MAP2: variants seen among roughly 807,000 people sequenced by gnomAD.
MAP2 encodes microtubule-associated protein 2.
In MAP2, 14 loss-of-function variants were observed where a neutral mutation model predicts 137.6. The observed-to-expected ratio is 0.10, with a 90% CI of 0.07 to 0.16. The LOEUF is 0.16. Among genes scored for constraint, MAP2 ranks in the 10% least tolerant of loss-of-function variants. The probability of loss-of-function intolerance (pLI) is 1.00; values close to 1 mark genes in which losing one functional copy is unlikely to be tolerated. For synonymous variants in MAP2, 786 were observed against 782.3 expected (o/e 1.00, Z -0.08); for missense variants, 2,088 against 2,191.5 (o/e 0.95, Z 0.94).
chr2:209,480,907 C>T (rs1048656052), intron 1 of MAP2, among the ~76,000 whole-genome samples: 3 of 152,200 alleles, frequency 2.0e-5, no homozygotes, highest in East Asian at 1.9e-4. Flanking sequence ...TCCCACTCTT[C>T]GTCTCATTTT....
chr2:209,724,784 C>G (rs2073187761), intron 13 of MAP2, among the ~76,000 whole-genome samples: 1 of 152,192 alleles, frequency 6.6e-6, no homozygotes, highest in Non-Finnish European at 1.5e-5. Context: ...TCCTTATTCC[C>G]CAGACTGTAA....
intron 2 of MAP2, among the ~76,000 whole-genome samples, chr2:209,568,810 C>T (rs911698249): frequency 1.3e-5 from 2 of 151,738 alleles, no homozygotes; most frequent in African/African-American, 4.8e-5. Context: ...ATTAATGACT[C>T]TAGAAGATGG....
At chr2:209,568,525 A>G (rs1313655894) in intron 2 of MAP2, among the ~76,000 whole-genome samples, 1 of 151,952 alleles carries the variant, frequency 6.6e-6, no homozygotes, top group Non-Finnish European at 1.5e-5. Context: ...TGGCTCTCCA[A>G]TTCAGTGAAG....
At chr2:209,682,622 C>T (rs11691894) in intron 7 of MAP2, among the ~76,000 whole-genome samples, 31,900 of 151,884 alleles carry the variant, frequency 0.21, 5,153 homozygotes, top group African/African-American at 0.45. Context: ...CAAGAGAAAC[C>T]TGATTTTATT....
rs1411675186 is a variant in MAP2, at chr2:209,732,802, G to A, written c.*2405G>A. The A allele has an allele frequency of 6.6e-6, 1 of 152,528 alleles. No individual in the cohort carries two copies. Among genetic ancestry groups the A allele is most frequent in the Non-Finnish European group, 1.5e-5 (1 of 68,034 alleles). 9.4% of individuals were successfully genotyped at this position (152,528 alleles called of 1,614,324 possible). A position where few individuals can be genotyped will look rare whatever the true frequency, so the allele number is the denominator to read the frequency against. ...ACAAGGCACCAAACTACTAGATTTG[G>A]CATTAAAACAAATGTTTATTTCTAA... On this transcript the variant is annotated 3_prime_UTR_variant, in exon 16 of 16. Transcript: ENST00000682079.
rs1230173945 is a variant in MAP2 at position 209,713,581 on chromosome 2, CTTA to C, written c.5073+3331_5073+3333del. Reference sequence around the variant, plus strand: ...TAACTCAAGGCATAGGGAAGACTATCTTATTAAGTGTATTAATTTGAAACTGCT... The same window carrying C: ...TAACTCAAGGCATAGGGAAGACTATCTTAAGTGTATTAATTTGAAACTGCT... On this transcript the variant is annotated intron_variant, in intron 13 of 15. Coordinates refer to ENST00000682079, the MANE Select transcript of MAP2 (RefSeq NM_001375505.1). Among the ~76,000 whole-genome samples the C allele has an allele frequency of 2.6e-5, 4 of 152,314 alleles. No individual in the cohort carries two copies. The South Asian group carries it at 8.3e-4, about 32-fold the overall frequency.
At chr2:209,567,434 G>C (rs752039258) in intron 2 of MAP2, among the ~76,000 whole-genome samples, 2 of 151,996 alleles carry the variant, frequency 1.3e-5, no homozygotes, top group African/African-American at 2.4e-5. Flanking sequence ...TAATGGAAAA[G>C]TCAAAAAAAG....
In MAP2 at chr2:209,709,953, C is replaced by T; in HGVS notation, c.4772C>T (p.Ser1591Leu). 2 of 1,613,912 alleles carry T rather than the reference C, an allele frequency of 1.2e-6. No individual in the cohort carries two copies. The highest frequency in any genetic ancestry group is 1.7e-6 in the Non-Finnish European group (2 of 1,179,926). The part of the protein sequence containing the change: ...PIRRAGKSGT[S>L]TPTTPGSTAI... ...CGCAGAGCAGGGAAGAGTGGTACCT[C>T]AACACCCACTACCCCTGGGTCTACT... Residue 1591 changes from serine (S) to leucine (L), a missense_variant, in exon 13 of 16, where the codon TCA becomes TTA. Ser to Leu is a moderately radical substitution (Grantham distance 145, BLOSUM62 -2). Coordinates refer to ENST00000682079, the MANE Select transcript of MAP2 (RefSeq NM_001375505.1).
At chr2:209,553,416 TTG>T (rs1326846030) in intron 2 of MAP2, among the ~76,000 whole-genome samples, 1 of 152,146 alleles carries the variant, frequency 6.6e-6, no homozygotes, top group Admixed American at 6.5e-5. Context: ...AACCAGATGC[TTG>T]TGTTTATGAA....
intron 1 of MAP2, among the ~76,000 whole-genome samples, chr2:209,453,360 C>T (rs568282881): frequency 6.6e-6 from 1 of 152,188 alleles, no homozygotes; most frequent in South Asian, 2.1e-4. Flanking sequence ...CAAATTCATT[C>T]CTGCATAAGT....
intron 2 of MAP2, among the ~76,000 whole-genome samples, chr2:209,554,674 T>G (rs2070084291): frequency 6.6e-6 from 1 of 151,776 alleles, no homozygotes; most frequent in South Asian, 2.1e-4. Flanking sequence ...TGATAGAGCC[T>G]GGGATGTTGA....
intron 3 of MAP2, among the ~76,000 whole-genome samples, chr2:209,604,957 G>A (rs543818405): frequency 6.6e-6 from 1 of 152,064 alleles, no homozygotes; most frequent in African/African-American, 2.4e-5. Context: ...GATGGTTATG[G>A]TATATTATAT....
chr2:209,575,465 G>C (rs1578776688), intron 2 of MAP2, among the ~76,000 whole-genome samples: 1 of 135,918 alleles, frequency 7.4e-6, no homozygotes, highest in Non-Finnish European at 1.5e-5. Flanking sequence ...AGCTTGCAGT[G>C]AGCCGAGATC....
intron 1 of MAP2, among the ~76,000 whole-genome samples, chr2:209,458,907 A>G (rs937859243): frequency 2.6e-5 from 4 of 152,152 alleles, no homozygotes; most frequent in Non-Finnish European, 5.9e-5. Context: ...GATGATACTT[A>G]TATGTAGCTT....
At chr2:209,522,077 C>T (rs532464151) in intron 2 of MAP2, among the ~76,000 whole-genome samples, 1 of 152,196 alleles carries the variant, frequency 6.6e-6, no homozygotes, top group African/African-American at 2.4e-5. Context: ...AGCTGCTTCT[C>T]ATACTGGATA....
At chr2:209,482,332 T>TA (rs1203931501) in intron 1 of MAP2, among the ~76,000 whole-genome samples, 10 of 151,990 alleles carry the variant, frequency 6.6e-5, no homozygotes, top group Admixed American at 1.3e-4. Context: ...TGTGCTGATT[T>TA]AAAAAAAACT....
chr2:209,571,205 TATGA>T (rs2153372678), intron 2 of MAP2, among the ~76,000 whole-genome samples: 1 of 152,056 alleles, frequency 6.6e-6, no homozygotes, highest in Non-Finnish European at 1.5e-5. Context: ...TCCTAAAACT[TATGA>T]ATGAAGAACT....
intron 5 of MAP2, among the ~76,000 whole-genome samples, chr2:209,658,803 G>A (rs967630820): frequency 1.3e-5 from 2 of 151,992 alleles, no homozygotes; most frequent in Admixed American, 6.6e-5. Context: ...CACTGCGCCC[G>A]GCCGAGAGGA....
chr2:209,429,002 G>C (rs989503769), intron 1 of MAP2, among the ~76,000 whole-genome samples: 27 of 151,704 alleles, frequency 1.8e-4, no homozygotes, highest in Non-Finnish European at 3.7e-4. Context: ...CGCCCAGGCC[G>C]GAGTACAGTG....
Sources: allele counts gnomAD v4.1 joint callset (sites outside exome capture counted in the v4.1 genomes callset), GRCh38; gene constraint gnomAD v4.1.1; transcripts MANE v1.5; gene names NCBI Gene and HGNC (gene_info 2026-07-23, HGNC 2026-07-21).